Variants in BBX observed in about 807,000 individuals in gnomAD.
BBX encodes BBX high mobility group box domain containing.
Under a neutral mutation model 100.2 loss-of-function variants are expected in BBX, and 30 were observed. The ratio of observed to expected loss-of-function variants is 0.30; its 90% CI spans 0.22 to 0.41. The LOEUF is 0.41. Ranked by LOEUF, BBX falls within the 10% of genes least tolerant of loss-of-function variation. BBX has a pLI of 1.00. For missense variants in BBX, 1,023 were observed against 1,129.8 expected (o/e 0.91, Z 1.35); for synonymous variants, 376 against 388.1 (o/e 0.97, Z 0.37).
At chr3:107,603,600 G>A (rs1379089082) in intron 2 of BBX, among the ~76,000 whole-genome samples, 2 of 151,860 alleles carry the variant, frequency 1.3e-5, no homozygotes, top group African/African-American at 2.4e-5. Flanking sequence ...GGATGGTCTC[G>A]ATCTCCTGAC....
At chr3:107,691,358 T>C (rs1010420862) in intron 3 of BBX, among the ~76,000 whole-genome samples, 1 of 152,210 alleles carries the variant, frequency 6.6e-6, no homozygotes, top group Admixed American at 6.5e-5. Flanking sequence ...AATAAGGTTT[T>C]AGTACTTGGC....
At chr3:107,706,543 ATGT>A (rs2061409815) in intron 3 of BBX, among the ~76,000 whole-genome samples, 1 of 152,074 alleles carries the variant, frequency 6.6e-6, no homozygotes, top group African/African-American at 2.4e-5. Flanking sequence ...TAATTTGATG[ATGT>A]TTAGTTTTTC....
At chr3:107,534,631 C>T (rs537513025) in intron 2 of BBX, among the ~76,000 whole-genome samples, 2 of 151,986 alleles carry the variant, frequency 1.3e-5, no homozygotes, top group Non-Finnish European at 2.9e-5. Flanking sequence ...GTTTAAAGAT[C>T]GATTTGTAGT....
chr3:107,764,760 G>A (rs892548010), intron 10 of BBX, among the ~76,000 whole-genome samples: 6 of 152,124 alleles, frequency 3.9e-5, no homozygotes, highest in African/African-American at 1.4e-4. Flanking sequence ...GTCTATTAAG[G>A]GCAGCTTGAG....
chr3:107,805,497 C>T lies in BBX; in HGVS notation c.*40C>T, dbSNP rs746733747. ...GTAAAACATTGTGCTTTACCTACTA[C>T]CCTAGCCTTGTCTTTACCGAGGGAT... On this transcript the variant is annotated 3_prime_UTR_variant, in exon 18 of 18. Coordinates refer to ENST00000325805, the MANE Select transcript of BBX (RefSeq NM_001142568.3). The T allele has an allele frequency of 1.2e-6, 2 of 1,614,004 alleles. No homozygotes were observed. Among genetic ancestry groups the T allele is most frequent in the Non-Finnish European group, 1.7e-6 (2 of 1,179,908 alleles).
intron 2 of BBX, among the ~76,000 whole-genome samples, chr3:107,639,395 A>G (rs2057058013): frequency 1.3e-5 from 2 of 152,140 alleles, no homozygotes; most frequent in African/African-American, 4.8e-5. Flanking sequence ...TCTGAGGGGT[A>G]TCCCATGGGG....
chr3:107,633,487 C>T (rs984254489), intron 2 of BBX, among the ~76,000 whole-genome samples: 18 of 152,134 alleles, frequency 1.2e-4, no homozygotes, highest in South Asian at 6.2e-4. Context: ...GCATATTTGG[C>T]GCAGATCAAA....
intron 2 of BBX, among the ~76,000 whole-genome samples, chr3:107,596,141 A>G (rs149893505): frequency 5.3e-5 from 8 of 152,294 alleles, no homozygotes; most frequent in Non-Finnish European, 1.2e-4. Flanking sequence ...GGTCAACTGT[A>G]TTTTATAGAC....
intron 2 of BBX, among the ~76,000 whole-genome samples, chr3:107,604,217 C>G (rs2054267535): frequency 6.6e-6 from 1 of 152,146 alleles, no homozygotes. Flanking sequence ...GTTGCATTGC[C>G]TGAACATTCC....
chr3:107,647,802 TCTC>T (rs1458272877), intron 3 of BBX, among the ~76,000 whole-genome samples: 9 of 152,322 alleles, frequency 5.9e-5, no homozygotes, highest in Middle Eastern at 3.4e-3. Context: ...CCCTGATTAG[TCTC>T]CTGCCACTCC....
At chr3:107,571,244 G>GC (rs2051336103) in intron 2 of BBX, among the ~76,000 whole-genome samples, 1 of 152,114 alleles carries the variant, frequency 6.6e-6, no homozygotes. Context: ...AGCAGCCAAA[G>GC]CAGGTGTCCC....
intron 3 of BBX, among the ~76,000 whole-genome samples, chr3:107,698,299 A>G (rs945816697): frequency 4.0e-5 from 6 of 151,778 alleles, no homozygotes; most frequent in African/African-American, 1.5e-4. Flanking sequence ...TTACCATTTT[A>G]GATGAAATTT....
At chr3:107,711,434 T>C in intron 4 of BBX, 1 of 412,814 alleles carries the variant, frequency 2.4e-6, no homozygotes, top group South Asian at 1.8e-5. Flanking sequence ...CACTACGAAT[T>C]TTATAAACAT....
intron 3 of BBX, among the ~76,000 whole-genome samples, chr3:107,705,333 A>G (rs1470071316): frequency 6.6e-6 from 1 of 152,204 alleles, no homozygotes; most frequent in Admixed American, 6.5e-5. Flanking sequence ...GTGGAATTTC[A>G]TTGGACTTTT....
At chr3:107,750,085 C>G (rs560972656) in intron 9 of BBX, among the ~76,000 whole-genome samples, 6 of 152,108 alleles carry the variant, frequency 3.9e-5, no homozygotes, top group Admixed American at 1.3e-4. Flanking sequence ...CTAATTTGTC[C>G]TTGCTGCTCC....
At chr3:107,769,976 A>G (rs1190897440) in intron 10 of BBX, among the ~76,000 whole-genome samples, 2 of 152,250 alleles carry the variant, frequency 1.3e-5, no homozygotes, top group African/African-American at 4.8e-5. Flanking sequence ...TTCCAGCAAT[A>G]TAATTGTTTT....
intron 3 of BBX, among the ~76,000 whole-genome samples, chr3:107,679,653 G>A (rs932276606): frequency 6.6e-6 from 1 of 152,116 alleles, no homozygotes; most frequent in Non-Finnish European, 1.5e-5. Flanking sequence ...ACTTGCTTTA[G>A]GATTGTTTCT....
intron 3 of BBX, among the ~76,000 whole-genome samples, chr3:107,691,280 T>C (rs1417096277): frequency 6.6e-6 from 1 of 152,178 alleles, no homozygotes; most frequent in African/African-American, 2.4e-5. Context: ...TTGTTATTGT[T>C]GTTATTCTTA....
At chr3:107,696,863 A>G (rs1194097115) in intron 3 of BBX, among the ~76,000 whole-genome samples, 2 of 151,316 alleles carry the variant, frequency 1.3e-5, no homozygotes, top group Non-Finnish European at 2.9e-5. Context: ...GTCTTTTCAC[A>G]TAGTCCCATA....
Sources: gnomAD v4.1 joint callset for allele counts (sites outside exome capture counted in the v4.1 genomes callset) on GRCh38, gnomAD v4.1.1 for gene constraint, MANE v1.5 for transcripts, NCBI Gene and HGNC (gene_info 2026-07-23, HGNC 2026-07-21) for gene names.